Variants in CELSR2 observed in about 807,000 individuals in gnomAD.
CELSR2 encodes the protein cadherin EGF LAG seven-pass G-type receptor 2, also known as EGF-like protein 2.
In CELSR2, 81 loss-of-function variants were observed where a neutral mutation model predicts 251.6. That is an observed-to-expected ratio of 0.32 (90% CI 0.27 to 0.39). The LOEUF (loss-of-function observed/expected upper bound fraction) is 0.39. Ranked by LOEUF, CELSR2 falls within the 10% of genes least tolerant of loss-of-function variation. The probability of loss-of-function intolerance (pLI) is 1.00; values close to 1 mark genes in which losing one functional copy is unlikely to be tolerated. For synonymous variants in CELSR2, 1,721 were observed against 1,670.5 expected (o/e 1.03, Z -0.74); for missense variants, 3,365 against 3,947.7 (o/e 0.85, Z 3.96).
At position 109,252,233 on chromosome 1, in the gene CELSR2, A is replaced by G. The variant is rs776525827; in HGVS notation, c.2154A>G (p.Thr718=). The change falls in exon 1 of 34, where the codon ACA becomes ACG. Residue 718 remains threonine, a synonymous_variant. Coordinates refer to ENST00000271332, the MANE Select transcript of CELSR2 (RefSeq NM_001408.3). The surrounding 1 kb of genome is among the most constrained non-coding windows in gnomAD (Gnocchi z 4.8). Reference sequence around the variant, plus strand: ...CTGTCTTTCAGAGCTCCCACTATACAGTGAATGTTAATGAGGACCGGCCGG... The same window carrying G: ...CTGTCTTTCAGAGCTCCCACTATACGGTGAATGTTAATGAGGACCGGCCGG... The part of the protein sequence containing the change: ...HRPVFQSSHY[T]VNVNEDRPAG... 2.5e-6 allele frequency: 4 copies of G among 1,613,528 alleles called. No homozygotes were observed. The Admixed American group carries it at 5.0e-5, about 20-fold the overall frequency.
In CELSR2 at chr1:109,251,254, A is replaced by G. The variant is rs1403072130; in HGVS notation, c.1175A>G (p.Asp392Gly). ...TAAVFLSVED[D>G]NDNAPQFSEK... ...GCTGTTTTCCTTTCTGTGGAGGATG[A>G]CAATGATAATGCCCCCCAGTTTAGT... The change falls in exon 1 of 34, where the codon GAC (aspartate) becomes GGC (glycine). Residue 392 changes from aspartate (D) to glycine (G), a missense_variant. This residue lies in a region of CELSR2 where 704 missense variants were observed against 784.1 expected (regional missense o/e 0.90). Transcript: ENST00000271332. This position sits in a 1 kb window ranked among gnomAD's most constrained non-coding sequence, Gnocchi z 4.9. 1 of 1,614,150 alleles carries G rather than the reference A, an allele frequency of 6.2e-7. No homozygotes were observed. Among genetic ancestry groups the G allele is most frequent in the Admixed American group, 1.7e-5 (1 of 60,020 alleles).
intron 1 of CELSR2, among the ~76,000 whole-genome samples, chr1:109,255,364 C>T (rs1003049620): frequency 1.3e-5 from 2 of 152,256 alleles, no homozygotes; most frequent in Non-Finnish European, 2.9e-5. Context: ...TGGCTCCTCT[C>T]CTGAGGCTTT....
At chr1:109,254,236 C>T (rs907133095) in intron 1 of CELSR2, among the ~76,000 whole-genome samples, 2 of 151,628 alleles carry the variant, frequency 1.3e-5, no homozygotes, top group African/African-American at 4.8e-5. Context: ...GTGTAGGGAC[C>T]AGGACAGGCC....
rs774100668 is a variant in CELSR2 at position 109,252,349 on chromosome 1, A to C, written c.2270A>C (p.Gln757Pro). 1 of 1,613,110 alleles carries C rather than the reference A, an allele frequency of 6.2e-7. No homozygotes were observed. The highest frequency in any genetic ancestry group is 8.5e-7 in the Non-Finnish European group (1 of 1,180,026). ...TACTTCATGGAGGACAGCATCCCCC[A>C]GTTCCGCATCGATGCAGACACGGGG... ...ITYFMEDSIP[Q>P]FRIDADTGAV... Residue 757 changes from glutamine to proline, a missense_variant, in exon 1 of 34, where the codon CAG becomes CCG. Transcript: ENST00000271332. This position sits in a 1 kb window ranked among gnomAD's most constrained non-coding sequence, Gnocchi z 4.8.
At chr1:109,271,789 T>C in intron 28 of CELSR2, 67 bp downstream of exon 28, 8 of 1,568,450 alleles carry the variant, frequency 5.1e-6, no homozygotes, top group South Asian at 1.1e-5. Flanking sequence ...AGTGAGCCTG[T>C]ACTTTTGGCC....
Position 109,265,887 on chromosome 1 carries a change from T to G in CELSR2, c.5880T>G (p.Pro1960=), listed in dbSNP as rs1239541152. Residue 1960 remains proline, a synonymous_variant, in exon 14 of 34, where the codon CCT becomes CCG. Coordinates refer to ENST00000271332, the MANE Select transcript of CELSR2 (RefSeq NM_001408.3). The part of the protein sequence containing the change: ...IGRQCDRCDN[P]FAEVTTNGCE... ...GTCAGTGTGACCGCTGTGACAACCC[T>G]TTTGCTGAGGTCACCACCAATGGCT... is the stretch of plus-strand genomic sequence containing the variant. 1 of 1,613,632 alleles carries G rather than the reference T, an allele frequency of 6.2e-7. No homozygotes were observed. Among genetic ancestry groups the G allele is most frequent in the African/African-American group, 1.3e-5 (1 of 74,912 alleles).
rs550886897 is a variant in CELSR2 at position 109,275,029 on chromosome 1, C to T, written c.*980C>T. ...GGTGTCCACTCACCCACCCCACCCC[C>T]CAAAATCAGACAAATGCTACTTTGT... On this transcript the variant is annotated 3_prime_UTR_variant, in exon 34 of 34. Transcript: ENST00000271332. 2.0e-5 allele frequency: 3 copies of T among 152,716 alleles called. No individual in the cohort carries two copies. The highest frequency in any genetic ancestry group is 7.2e-5 in the African/African-American group (3 of 41,568). 9.5% of individuals were successfully genotyped at this position (152,716 alleles called of 1,614,324 possible). A position where few individuals can be genotyped will look rare whatever the true frequency, so the allele number is the denominator to read the frequency against.
In CELSR2 at chr1:109,265,226, A is replaced by G; in HGVS notation, c.5642A>G (p.His1881Arg). ...CCTTGTCCCCGTGGCTGGTGGGGAC[A>G]TCCCACATGTGGCCCATGCAACTGT... ...DQPCPRGWWG[H>R]PTCGPCNCDV... Residue 1881 changes from histidine to arginine, a missense_variant, in exon 13 of 34, where the codon CAT (histidine) becomes CGT (arginine). By Grantham distance (29) the His-to-Arg change is conservative. Transcript: ENST00000271332. The G allele has an allele frequency of 6.2e-7, 1 of 1,612,066 alleles. No individual in the cohort carries two copies. The highest frequency in any genetic ancestry group is 8.5e-7 in the Non-Finnish European group (1 of 1,178,782).
At chr1:109,266,293 CG>C in intron 15 of CELSR2, 87 bp downstream of exon 15, 5 of 1,504,364 alleles carry the variant, frequency 3.3e-6, no homozygotes, top group African/African-American at 1.4e-5. Context: ...GCTGAAGATC[CG>C]GGGACCCCAC....
Position 109,252,630 on chromosome 1 carries a change from T to C in CELSR2, c.2551T>C (p.Phe851Leu), listed in dbSNP as rs544567629. The C allele has an allele frequency of 5.0e-6, 8 of 1,613,834 alleles. No individual in the cohort carries two copies. In the East Asian group the frequency reaches 1.3e-4, roughly 27 times the overall value. The change falls in exon 1 of 34, where the codon TTC (phenylalanine) becomes CTC (leucine). Residue 851 changes from phenylalanine to leucine, a missense_variant. Around this residue, in one of 5 missense-constraint regions of CELSR2, gnomAD observed 505 missense variants for 660.0 expected, o/e 0.77. Coordinates refer to ENST00000271332, the MANE Select transcript of CELSR2 (RefSeq NM_001408.3). The surrounding 1 kb of genome is among the most constrained non-coding windows in gnomAD (Gnocchi z 4.8). Reference protein sequence around the residue: ...DRDSGLNGRVFYTFQGGDDGD... With the variant: ...DRDSGLNGRVLYTFQGGDDGD... ...TGATTCTGGACTTAATGGCAGGGTC[T>C]TCTACACCTTCCAAGGAGGCGACGA...
intron 2 of CELSR2, 146 bp downstream of exon 2, chr1:109,259,225 C>A (rs893562250): frequency 4.1e-6 from 3 of 736,914 alleles, no homozygotes; most frequent in Non-Finnish European, 6.5e-6. Flanking sequence ...CCGGCCTGCT[C>A]CCTGACAGCA....
In CELSR2 at chr1:109,269,611, G is replaced by GC. The variant is rs539708759; in HGVS notation, c.6980+25dup. On this transcript the variant is annotated intron_variant, in intron 21 of 33. Transcript: ENST00000271332. This position sits in a 1 kb window ranked among gnomAD's most constrained non-coding sequence, Gnocchi z 6.4. ...AATCCTGTGAGCCTGCACTGCCCTC[G>GC]CCCCCTCAGGCTTCGGGCTGAAAGT... is the stretch of plus-strand genomic sequence containing the variant. 3.0e-4 allele frequency: 476 copies of GC among 1,613,380 alleles called. 1 individual carries two copies. In the African/African-American group the frequency reaches 5.8e-3, roughly 20 times the overall value.
chr1:109,263,524 CCCGTGCAG>C lies in CELSR2; in HGVS notation c.4835-83_4835-76del, dbSNP rs1219987387. On this transcript the variant is annotated intron_variant, in intron 8 of 33. Coordinates refer to ENST00000271332, the MANE Select transcript of CELSR2 (RefSeq NM_001408.3). Reference sequence around the variant, plus strand: ...CTGATGAGGGGAGTGGGCTCTGCCTCCCGTGCAGCCGCCACCGCTGAGCATCACAGCCC... The same window carrying C: ...CTGATGAGGGGAGTGGGCTCTGCCTCCCGCCACCGCTGAGCATCACAGCCC... 2.6e-6 allele frequency: 4 copies of C among 1,537,924 alleles called. No homozygotes were observed. In the African/African-American group the frequency reaches 5.5e-5, roughly 21 times the overall value.
chr1:109,260,184 A>AGG (rs1296580265), intron 2 of CELSR2, among the ~76,000 whole-genome samples: 53 of 47,424 alleles, frequency 1.1e-3, no homozygotes, highest in African/African-American at 3.4e-3. Context: ...GGGGGTTGGG[A>AGG]GGGGGGGGGT....
intron 2 of CELSR2, among the ~76,000 whole-genome samples, chr1:109,259,332 C>T (rs1030011758): frequency 3.3e-5 from 5 of 152,228 alleles, no homozygotes; most frequent in African/African-American, 4.8e-5. Context: ...CAGAGCCAGT[C>T]GGCCTGTGTT....
chr1:109,272,316 G>A lies in CELSR2; in HGVS notation c.7965G>A (p.Leu2655=). Residue 2655 remains leucine, a synonymous_variant, in exon 29 of 34, where the codon CTG becomes CTA. Coordinates refer to ENST00000271332, the MANE Select transcript of CELSR2 (RefSeq NM_001408.3). ...NCPSPYADGR[L]YQPYGDSAGS... ...CCAGCCCCTACGCAGATGGGCGGCT[G>A]TACCAGCCCTACGGAGACTCGGCCG... is the stretch of plus-strand genomic sequence containing the variant. 2 of 1,610,948 alleles carry A rather than the reference G, an allele frequency of 1.2e-6. No homozygotes were observed. Among genetic ancestry groups the A allele is most frequent in the Non-Finnish European group, 1.7e-6 (2 of 1,177,718 alleles).
Position 109,250,362 on chromosome 1 carries a change from C to T in CELSR2, c.283C>T (p.Pro95Ser). Residue 95 changes from proline to serine, a missense_variant, in exon 1 of 34, where the codon CCA becomes TCA. By Grantham distance (74) the Pro-to-Ser change is moderately conservative. Around this residue, in one of 5 missense-constraint regions of CELSR2, gnomAD observed 704 missense variants for 784.1 expected, o/e 0.90. Coordinates refer to ENST00000271332, the MANE Select transcript of CELSR2 (RefSeq NM_001408.3). This position sits in a 1 kb window ranked among gnomAD's most constrained non-coding sequence, Gnocchi z 4.4. ...CCACGATGGCCTGAGGGTTTGGTGT[C>T]CAGAATCCGAGGCCCATATTCCCCT... is the stretch of plus-strand genomic sequence containing the variant. Reference protein sequence around the residue: ...PHHDGLRVWCPESEAHIPLPP... With the variant: ...PHHDGLRVWCSESEAHIPLPP... 1 of 1,613,510 alleles carries T rather than the reference C, an allele frequency of 6.2e-7. No homozygotes were observed. Among genetic ancestry groups the T allele is most frequent in the Non-Finnish European group, 8.5e-7 (1 of 1,180,014 alleles).
In CELSR2 at chr1:109,273,534, G is replaced by C. The variant is rs776378057; in HGVS notation, c.8608G>C (p.Ala2870Pro). 5.7e-6 allele frequency: 9 copies of C among 1,592,682 alleles called. No individual in the cohort carries two copies. The highest frequency in any genetic ancestry group is 6.8e-6 in the Non-Finnish European group (8 of 1,170,304). Residue 2870 changes from alanine (A) to proline (P), a missense_variant, in exon 33 of 34, where the codon GCT becomes CCT. Physicochemically the swap from Ala to Pro is conservative, Grantham distance 27. Coordinates refer to ENST00000271332, the MANE Select transcript of CELSR2 (RefSeq NM_001408.3). Reference protein sequence around the residue: ...QCTGSSRGSSASEGSRGGPPP... With the variant: ...QCTGSSRGSSPSEGSRGGPPP... ...CACAGGGTCTTCCCGGGGCTCCTCC[G>C]CTAGTGAGGGCAGCCGGGGAGGCCC...
Position 109,264,072 on chromosome 1 carries a change from T to A in CELSR2, c.5002-6T>A, listed in dbSNP as rs771734036. On this transcript the variant is annotated splice_polypyrimidine_tract_variant and splice_region_variant and intron_variant, in intron 9 of 33. Transcript: ENST00000271332. Reference sequence around the variant, plus strand: ...CTGACCCTGTTTTCTTTCCTCCTGGTGTCAGCTACGAGAGGGCCACGTGAT... The same window carrying A: ...CTGACCCTGTTTTCTTTCCTCCTGGAGTCAGCTACGAGAGGGCCACGTGAT... 7 of 1,565,094 alleles carry A rather than the reference T, an allele frequency of 4.5e-6. No homozygotes were observed. The highest frequency in any genetic ancestry group is 6.1e-6 in the Non-Finnish European group (7 of 1,150,444).
Sources: gnomAD v4.1 joint callset for allele counts (sites outside exome capture counted in the v4.1 genomes callset) on GRCh38, gnomAD v4.1.1 for gene constraint, gnomAD v4.1.1 regional missense constraint, Gnocchi (gnomAD v3.1) non-coding constraint, MANE v1.5 for transcripts, NCBI Gene and HGNC (gene_info 2026-07-23, HGNC 2026-07-21) for gene names.